Variants in CMTM7 observed in about 807,000 individuals in gnomAD.
The protein encoded by CMTM7 is CKLF-like MARVEL transmembrane domain-containing protein 7.
A neutral mutation model predicts 19.3 loss-of-function variants in CMTM7; 7 were observed. That is an observed-to-expected ratio of 0.36 (90% CI 0.21 to 0.68). The LOEUF (loss-of-function observed/expected upper bound fraction) is 0.68, where lower values mean the gene tolerates loss of function less well. Among genes scored for constraint, CMTM7 ranks in the 30% least tolerant of loss-of-function variants. The pLI, the probability that CMTM7 is intolerant of heterozygous loss-of-function variation, is 0.60. For synonymous variants in CMTM7, 87 were observed against 99.3 expected, an observed-to-expected ratio of 0.88 and a Z score of 0.74; for missense variants, 193 against 232.6, an observed-to-expected ratio of 0.83 and a Z score of 1.11.
chr3:32,406,760 G>A (rs1468173143), intron 1 of CMTM7, among the ~76,000 whole-genome samples: 1 of 152,224 alleles, frequency 6.6e-6, no homozygotes, highest in African/African-American at 2.4e-5. Flanking sequence ...AGGGTAGAAA[G>A]AGCAGGACAA....
At chr3:32,397,827 G>T (rs1233529155) in intron 1 of CMTM7, among the ~76,000 whole-genome samples, 1 of 152,150 alleles carries the variant, frequency 6.6e-6, no homozygotes, top group African/African-American at 2.4e-5. Flanking sequence ...CAGCAGATTT[G>T]GCTTTCTCTC....
chr3:32,405,237 AAATG>A (rs1406954398), intron 1 of CMTM7, among the ~76,000 whole-genome samples: 8 of 152,232 alleles, frequency 5.3e-5, no homozygotes, highest in African/African-American at 1.9e-4. Flanking sequence ...GTGAGAAGAT[AAATG>A]AATGTTGTGT....
At chr3:32,439,601 A>C (rs893642178) in intron 1 of CMTM7, among the ~76,000 whole-genome samples, 2 of 152,152 alleles carry the variant, frequency 1.3e-5, no homozygotes, top group Non-Finnish European at 2.9e-5. Flanking sequence ...CCACAGGTGC[A>C]TGCCACCACG....
Position 32,404,157 on chromosome 3 carries a change from TTTTTC to T in CMTM7, c.159+12097_159+12101del, listed in dbSNP as rs1304640981. ...TTCTTTCTTTCTTTTTTTTTCTTTT[TTTTTC>T]TTTTTTTTTTTTTTTGGAGACAGAG... is the stretch of plus-strand genomic sequence containing the variant. On this transcript the variant is annotated intron_variant, in intron 1 of 4. Transcript: ENST00000334983. 2.4e-3 allele frequency among the ~76,000 whole-genome samples: 168 copies of T among 71,056 alleles called. 4 individuals are homozygous for T. The highest frequency in any genetic ancestry group is 6.0e-3 in the Middle Eastern group (1 of 166). The allele number at this position is 71,056 out of a possible 152,430, so 46.6% of individuals were successfully genotyped here.
chr3:32,401,190 A>C (rs2058769907), intron 1 of CMTM7, among the ~76,000 whole-genome samples: 1 of 152,252 alleles, frequency 6.6e-6, no homozygotes, highest in African/African-American at 2.4e-5. Flanking sequence ...TGATGGCCAC[A>C]GTATCTGCAT....
chr3:32,410,935 TA>T (rs2125625107), intron 1 of CMTM7, among the ~76,000 whole-genome samples: 1 of 152,348 alleles, frequency 6.6e-6, no homozygotes, highest in Non-Finnish European at 1.5e-5. Context: ...TATATTGGAT[TA>T]AAGGCTAAAA....
chr3:32,437,889 C>CA (rs1356722962), intron 1 of CMTM7, among the ~76,000 whole-genome samples: 4 of 151,650 alleles, frequency 2.6e-5, no homozygotes, highest in African/African-American at 4.8e-5. Flanking sequence ...GACTCCATCT[C>CA]AAAAAAATAA....
At chr3:32,415,482 T>C (rs1021356303) in intron 1 of CMTM7, among the ~76,000 whole-genome samples, 2 of 152,242 alleles carry the variant, frequency 1.3e-5, no homozygotes, top group Non-Finnish European at 1.5e-5. Context: ...TCTTTCATGC[T>C]ACTCTTCATC....
intron 1 of CMTM7, among the ~76,000 whole-genome samples, chr3:32,422,658 C>G (rs1575116587): frequency 6.6e-6 from 1 of 152,204 alleles, no homozygotes; most frequent in East Asian, 1.9e-4. Flanking sequence ...ACAGATGTAT[C>G]AGTTAGCTTT....
intron 1 of CMTM7, among the ~76,000 whole-genome samples, chr3:32,410,985 C>A (rs1433073588): frequency 6.6e-6 from 1 of 152,232 alleles, no homozygotes; most frequent in African/African-American, 2.4e-5. Flanking sequence ...GTTTGTGATA[C>A]CTTTCCTCAC....
At chr3:32,428,299 C>T (rs1575118948) in intron 1 of CMTM7, among the ~76,000 whole-genome samples, 2 of 152,322 alleles carry the variant, frequency 1.3e-5, no homozygotes, top group South Asian at 4.1e-4. Context: ...TCAGTCCTCC[C>T]TGCAGCCTCA....
At position 32,449,558 on chromosome 3, in the gene CMTM7, G is replaced by T. The variant is rs763253078; in HGVS notation, c.432+6G>T. The T allele has an allele frequency of 1.2e-6, 2 of 1,606,108 alleles. No homozygotes were observed. The highest frequency in any genetic ancestry group is 1.7e-6 in the Non-Finnish European group (2 of 1,172,678). ...GCGGACTGGTAGCCGGAGCGGTGAG[G>T]ATGTTTTGGGGAGCCTTTAGGAATG... On this transcript the variant is annotated splice_donor_region_variant and intron_variant, in intron 3 of 4. Coordinates refer to ENST00000334983, the MANE Select transcript of CMTM7 (RefSeq NM_138410.4). The surrounding 1 kb of genome is among the most constrained non-coding windows in gnomAD (Gnocchi z 4.5).
intron 1 of CMTM7, among the ~76,000 whole-genome samples, chr3:32,428,468 C>A (rs1696466253): frequency 6.6e-6 from 1 of 152,148 alleles, no homozygotes; most frequent in South Asian, 2.1e-4. Context: ...GTCTGCTGAG[C>A]CTCTAGAGAG....
At position 32,417,909 on chromosome 3, in the gene CMTM7, C is replaced by T. The variant is rs150045504; in HGVS notation, c.160-23931C>T. Among the ~76,000 whole-genome samples the T allele has an allele frequency of 2.5e-3, 377 of 152,284 alleles. 1 individual carries two copies. Among genetic ancestry groups the T allele is most frequent in the African/African-American group, 8.8e-3 (366 of 41,538 alleles). On this transcript the variant is annotated intron_variant, in intron 1 of 4. Coordinates refer to ENST00000334983, the MANE Select transcript of CMTM7 (RefSeq NM_138410.4). ...TGATCTCAGCTCACTGCAACCTCCA[C>T]CTTCTGGGTTCAAGCAATCCTCCCA...
chr3:32,424,752 C>T (rs1312461814), intron 1 of CMTM7, among the ~76,000 whole-genome samples: 3 of 151,982 alleles, frequency 2.0e-5, no homozygotes, highest in Non-Finnish European at 4.4e-5. Context: ...CTCCAGCAAT[C>T]CTCCCAGCCT....
intron 1 of CMTM7, among the ~76,000 whole-genome samples, chr3:32,393,142 C>T (rs948896666): frequency 9.9e-5 from 15 of 152,146 alleles, no homozygotes; most frequent in African/African-American, 3.4e-4. Flanking sequence ...GGGCACAGGA[C>T]GTCTGTGCAT....
intron 1 of CMTM7, among the ~76,000 whole-genome samples, chr3:32,419,298 G>A (rs2125629443): frequency 6.6e-6 from 1 of 152,136 alleles, no homozygotes; most frequent in Admixed American, 6.5e-5. Flanking sequence ...AGATTCTTTG[G>A]GATTTTCTAC....
At chr3:32,435,183 C>T (rs2125636826) in intron 1 of CMTM7, among the ~76,000 whole-genome samples, 1 of 152,306 alleles carries the variant, frequency 6.6e-6, no homozygotes, top group Non-Finnish European at 1.5e-5. Flanking sequence ...GCGGGTGGAT[C>T]ACGAGGTCAG....
chr3:32,452,569 A>C, intron 4 of CMTM7, 96 bp downstream of exon 4: 4 of 1,279,050 alleles, frequency 3.1e-6, no homozygotes, highest in Non-Finnish European at 4.5e-6. Context: ...GCTGTTGAGA[A>C]GGCTGTGTTC....
Sources: gnomAD v4.1 joint callset for allele counts (sites outside exome capture counted in the v4.1 genomes callset) on GRCh38, gnomAD v4.1.1 for gene constraint, Gnocchi (gnomAD v3.1) non-coding constraint, MANE v1.5 for transcripts, NCBI Gene and HGNC (gene_info 2026-07-23, HGNC 2026-07-21) for gene names.